Variants in TP63 observed in about 807,000 individuals in gnomAD.
TP63 encodes the protein tumor protein p63.
Under a neutral mutation model 82.8 loss-of-function variants are expected in TP63, and 17 were observed. That is an observed-to-expected ratio of 0.21 (90% confidence interval 0.14 to 0.31). The LOEUF (loss-of-function observed/expected upper bound fraction) is 0.31, where lower values mean the gene tolerates loss of function less well. Among genes scored for constraint, TP63 ranks in the 10% least tolerant of loss-of-function variants. The pLI is 1.00. For synonymous variants in TP63, 330 were observed against 321.7 expected, an observed-to-expected ratio of 1.03 and a Z score of -0.28; for missense variants, 648 against 895.3, an observed-to-expected ratio of 0.72 and a Z score of 3.52.
intron 3 of TP63, among the ~76,000 whole-genome samples, chr3:189,797,214 A>G (rs1192702204): frequency 6.6e-6 from 1 of 152,096 alleles, no homozygotes; most frequent in African/African-American, 2.4e-5. Flanking sequence ...GTGTGTTGCC[A>G]GAGGCGGAAA....
At chr3:189,670,907 G>A (rs1247585220) in intron 1 of TP63, among the ~76,000 whole-genome samples, 2 of 151,966 alleles carry the variant, frequency 1.3e-5, no homozygotes, top group African/African-American at 4.8e-5. Flanking sequence ...AAACTTAAAT[G>A]TAAGATACAA....
chr3:189,886,440 C>G lies in TP63; in HGVS notation c.1396C>G (p.Leu466Val). 6.2e-7 allele frequency: 1 copy of G among 1,614,132 alleles called. No individual in the cohort carries two copies. Among genetic ancestry groups the G allele is most frequent in the Non-Finnish European group, 8.5e-7 (1 of 1,180,004 alleles). ...TTCATATGGTAACAGCTCCCCACCTCTGAACAAAATGAACAGCATGAACAA... is the reference window on the plus strand; with the variant it reads ...TTCATATGGTAACAGCTCCCCACCTGTGAACAAAATGAACAGCATGAACAA... ...PSSYGNSSPPLNKMNSMNKLP... is the reference protein window; with the variant it reads ...PSSYGNSSPPVNKMNSMNKLP... Residue 466 changes from leucine (L) to valine (V), a missense_variant, in exon 11 of 14, where the codon CTG (leucine) becomes GTG (valine). By Grantham distance (32) the Leu-to-Val change is conservative. Around this residue, in one of 5 missense-constraint regions of TP63, gnomAD observed 342 missense variants for 425.7 expected, o/e 0.80. Coordinates refer to ENST00000264731, the MANE Select transcript of TP63 (RefSeq NM_003722.5).
intron 9 of TP63, among the ~76,000 whole-genome samples, chr3:189,872,018 A>G (rs762471268): frequency 2.0e-4 from 31 of 152,164 alleles, no homozygotes; most frequent in Non-Finnish European, 3.4e-4. Context: ...CCTGCTCATA[A>G]TTGTAAAAGC....
chr3:189,893,482 C>A (rs1171261608), intron 13 of TP63, among the ~76,000 whole-genome samples: 1 of 152,236 alleles, frequency 6.6e-6, no homozygotes, highest in Non-Finnish European at 1.5e-5. Flanking sequence ...GATATCACCA[C>A]AGTCAGTTAA....
the TP63 span, among the ~76,000 whole-genome samples, chr3:189,610,276 G>C: frequency 2.0e-5 from 3 of 151,902 alleles, no homozygotes; most frequent in Admixed American, 2.0e-4. Context: ...TTGGATATTA[G>C]ACCTTTGTCA....
chr3:189,871,988 G>A (rs1431003042), intron 9 of TP63, among the ~76,000 whole-genome samples: 4 of 152,156 alleles, frequency 2.6e-5, no homozygotes, highest in Admixed American at 6.5e-5. Flanking sequence ...GATTGTAGGT[G>A]TGAGCCACCA....
rs143611109 is a variant in TP63, at chr3:189,882,730, A to G, written c.1350-3664A>G. Among the ~76,000 whole-genome samples the G allele has an allele frequency of 1.7e-4, 26 of 152,286 alleles. No individual in the cohort carries two copies. In the East Asian group the frequency reaches 4.6e-3, roughly 27 times the overall value. On this transcript the variant is annotated intron_variant, in intron 10 of 13. Coordinates refer to ENST00000264731, the MANE Select transcript of TP63 (RefSeq NM_003722.5). ...CGCAGGAATTTTGATATTCTACCACATAGATAGTCACTAGGGTTGGAACCA... is the reference window on the plus strand; with the variant it reads ...CGCAGGAATTTTGATATTCTACCACGTAGATAGTCACTAGGGTTGGAACCA...
intron 1 of TP63, among the ~76,000 whole-genome samples, chr3:189,732,700 C>G (rs1168188028): frequency 6.6e-6 from 1 of 152,212 alleles, no homozygotes; most frequent in Admixed American, 6.5e-5. Flanking sequence ...CAAAGCATGT[C>G]ATTAGCAGAA....
intron 3 of TP63, among the ~76,000 whole-genome samples, chr3:189,773,556 G>A (rs1196538272): frequency 6.6e-6 from 1 of 152,192 alleles, no homozygotes; most frequent in Admixed American, 6.5e-5. Flanking sequence ...TCAAAATTCA[G>A]AAGCTGATTC....
upstream of TP63, among the ~76,000 whole-genome samples, chr3:189,626,689 G>A (rs555936675): frequency 1.3e-5 from 2 of 152,288 alleles, no homozygotes; most frequent in African/African-American, 4.8e-5. Context: ...GCCAAACATG[G>A]CATCTTTCTT....
intron 4 of TP63, among the ~76,000 whole-genome samples, chr3:189,813,428 G>T (rs1727797294): frequency 6.6e-6 from 1 of 151,736 alleles, no homozygotes; most frequent in Non-Finnish European, 1.5e-5. Flanking sequence ...ACTTGTAGGG[G>T]CGGTGTTTCT....
the TP63 span, among the ~76,000 whole-genome samples, chr3:189,619,503 G>A: frequency 6.6e-6 from 1 of 152,096 alleles, no homozygotes; most frequent in African/African-American, 2.4e-5. Context: ...CATTTTCAGT[G>A]GGCTGCTTAG....
chr3:189,674,735 T>A (rs1715237903), intron 1 of TP63, among the ~76,000 whole-genome samples: 2 of 152,108 alleles, frequency 1.3e-5, no homozygotes, highest in African/African-American at 2.4e-5. Flanking sequence ...AGTACAGATA[T>A]ACACATAAAA....
At chr3:189,865,125 A>T (rs1213331877) in intron 5 of TP63, among the ~76,000 whole-genome samples, 1 of 152,174 alleles carries the variant, frequency 6.6e-6, no homozygotes, top group Non-Finnish European at 1.5e-5. Flanking sequence ...AAGATTCTCA[A>T]GTCTAGACCA....
intron 10 of TP63, chr3:189,880,105 G>T: frequency 1.9e-6 from 3 of 1,613,796 alleles, no homozygotes; most frequent in Non-Finnish European, 1.7e-6. Context: ...GTGGAGCCCC[G>T]GAGAGAAACT....
chr3:189,826,031 G>GA (rs1729313577), intron 4 of TP63, among the ~76,000 whole-genome samples: 5 of 152,022 alleles, frequency 3.3e-5, no homozygotes, highest in South Asian at 4.2e-4. Context: ...GAAAAGGGAA[G>GA]AAAAAAATAG....
chr3:189,834,798 A>C (rs975116670), intron 4 of TP63, among the ~76,000 whole-genome samples: 1 of 152,074 alleles, frequency 6.6e-6, no homozygotes, highest in African/African-American at 2.4e-5. Context: ...ATCTTTCCTT[A>C]GGATGGGTCA....
At chr3:189,869,717 G>GTTTT (rs751802317) in intron 9 of TP63, among the ~76,000 whole-genome samples, 8 of 136,746 alleles carry the variant, frequency 5.9e-5, no homozygotes, top group African/African-American at 2.1e-4. Flanking sequence ...TCTCTAGGGT[G>GTTTT]TTTTTTTTTT....
chr3:189,795,662 T>C (rs115075271), intron 3 of TP63, among the ~76,000 whole-genome samples: 14 of 152,202 alleles, frequency 9.2e-5, no homozygotes, highest in African/African-American at 3.4e-4. Flanking sequence ...ATTTACTATT[T>C]ATGTCAAAAT....
Sources: gnomAD v4.1 joint callset for allele counts (sites outside exome capture counted in the v4.1 genomes callset) on GRCh38, gnomAD v4.1.1 for gene constraint, gnomAD v4.1.1 regional missense constraint, MANE v1.5 for transcripts, NCBI Gene and HGNC (gene_info 2026-07-23, HGNC 2026-07-21) for gene names.